Variants in UVRAG observed in about 807,000 individuals in gnomAD.
UVRAG encodes the protein UV radiation resistance-associated gene protein.
In UVRAG, 19 loss-of-function variants were observed where a neutral mutation model predicts 78.0. The ratio of observed to expected loss-of-function variants is 0.24; its 90% CI spans 0.17 to 0.36. UVRAG has a LOEUF of 0.36. Ranked by LOEUF, UVRAG falls within the 10% of genes least tolerant of loss-of-function variation. UVRAG has a pLI of 1.00. For missense variants in UVRAG, 740 were observed against 853.8 expected (o/e 0.87, Z 1.66); for synonymous variants, 323 against 324.6 (o/e 1.00, Z 0.05).
intron 2 of UVRAG, among the ~76,000 whole-genome samples, chr11:75,856,129 A>C (rs548746358): frequency 6.6e-6 from 1 of 152,218 alleles, no homozygotes; most frequent in South Asian, 2.1e-4. Flanking sequence ...AGCTGGGACT[A>C]CAGGCATCCG....
intron 1 of UVRAG, among the ~76,000 whole-genome samples, chr11:75,835,932 A>C (rs1176724658): frequency 6.6e-6 from 1 of 151,874 alleles, no homozygotes; most frequent in Non-Finnish European, 1.5e-5. Flanking sequence ...TCTCTACTTA[A>C]AAAAAATATA....
At chr11:75,965,637 A>G (rs1332539907) in intron 7 of UVRAG, among the ~76,000 whole-genome samples, 1 of 152,028 alleles carries the variant, frequency 6.6e-6, no homozygotes, top group Non-Finnish European at 1.5e-5. Flanking sequence ...CTTTTGTTAG[A>G]GTTATTCTGA....
intron 14 of UVRAG, among the ~76,000 whole-genome samples, chr11:76,121,664 T>C (rs1565169766): frequency 6.6e-6 from 1 of 152,146 alleles, no homozygotes; most frequent in Non-Finnish European, 1.5e-5. Flanking sequence ...CGATTTTGTC[T>C]CTCCACCACT....
chr11:75,949,318 A>G (rs1565394321), intron 6 of UVRAG, among the ~76,000 whole-genome samples: 2 of 151,610 alleles, frequency 1.3e-5, no homozygotes. Flanking sequence ...TTCCCCCCTA[A>G]TTTCTTAAGT....
intron 1 of UVRAG, among the ~76,000 whole-genome samples, chr11:75,842,163 C>G (rs371127158): frequency 6.6e-6 from 1 of 152,120 alleles, no homozygotes; most frequent in Non-Finnish European, 1.5e-5. Flanking sequence ...ATGATTTAGC[C>G]TCAGAAGTCA....
chr11:75,983,703 C>A (rs1949438635), intron 8 of UVRAG, 190 bp downstream of exon 8: 6 of 755,818 alleles, frequency 7.9e-6, no homozygotes, highest in Non-Finnish European at 9.7e-6. Flanking sequence ...TATGTTTACA[C>A]AAGCTCAGAT....
intron 12 of UVRAG, among the ~76,000 whole-genome samples, chr11:76,020,234 G>T (rs892639537): frequency 6.6e-6 from 1 of 152,108 alleles, no homozygotes; most frequent in Non-Finnish European, 1.5e-5. Context: ...AGGGCAGAGG[G>T]TTCCCCTCTG....
chr11:76,065,628 G>T, intron 12 of UVRAG, 82 bp from the exon 13 acceptor site: 2 of 1,282,622 alleles, frequency 1.6e-6, no homozygotes, highest in South Asian at 2.5e-5. Context: ...CTGTATCTAA[G>T]AAACTTCAGC....
At chr11:75,897,765 C>A (rs1162115000) in intron 5 of UVRAG, among the ~76,000 whole-genome samples, 1 of 151,616 alleles carries the variant, frequency 6.6e-6, no homozygotes, top group Non-Finnish European at 1.5e-5. Flanking sequence ...CTCAAGTGAT[C>A]TGCCCACCTC....
At chr11:76,052,961 G>A (rs907554146) in intron 12 of UVRAG, among the ~76,000 whole-genome samples, 1 of 148,686 alleles carries the variant, frequency 6.7e-6, no homozygotes, top group African/African-American at 2.5e-5. Context: ...ATATACTATA[G>A]AGTATATAGG....
At position 76,141,042 on chromosome 11, in the gene UVRAG, G is replaced by A. The variant is rs146466983; in HGVS notation, c.1729G>A (p.Ala577Thr). 28 of 1,614,006 alleles carry A rather than the reference G, an allele frequency of 1.7e-5. No individual in the cohort carries two copies. In the East Asian group the frequency reaches 2.5e-4, roughly 14 times the overall value. The change falls in exon 15 of 15, where the codon GCG becomes ACG. Residue 577 changes from alanine (A) to threonine (T), a missense_variant. Physicochemically the swap from Ala to Thr is moderately conservative, Grantham distance 58 (BLOSUM62 0). Coordinates refer to ENST00000356136, the MANE Select transcript of UVRAG (RefSeq NM_003369.4). ...DLVGSLNGGH[A>T]NVHPSQEQGE... ...AGTTGGCAGCTTAAACGGAGGCCAC[G>A]CGAATGTGCACCCTAGCCAAGAACA...
chr11:75,862,320 A>G (rs1486286523), intron 3 of UVRAG, among the ~76,000 whole-genome samples: 2 of 152,182 alleles, frequency 1.3e-5, no homozygotes, highest in Non-Finnish European at 2.9e-5. Flanking sequence ...GTTTCTTGGC[A>G]GTGGCATTGC....
At chr11:75,828,458 A>G (rs1945566233) in intron 1 of UVRAG, among the ~76,000 whole-genome samples, 2 of 150,556 alleles carry the variant, frequency 1.3e-5, no homozygotes, top group East Asian at 3.9e-4. Context: ...AAAAAAAAAA[A>G]AAAAGACACC....
intron 5 of UVRAG, among the ~76,000 whole-genome samples, chr11:75,902,519 G>T (rs1389700588): frequency 6.6e-6 from 1 of 152,138 alleles, no homozygotes; most frequent in Admixed American, 6.5e-5. Context: ...TGTCTTAGTG[G>T]TTTCTGACAT....
At chr11:75,878,900 A>AGGGACGGGGAGG (rs1555079764) in intron 3 of UVRAG, among the ~76,000 whole-genome samples, 6 of 81,416 alleles carry the variant, frequency 7.4e-5, no homozygotes, top group South Asian at 4.1e-4. Flanking sequence ...GGACAGGGAC[A>AGGGACGGGGAGG]GGGAGGGGGA....
At chr11:75,849,208 A>AAATGAAT (rs1946100322) in intron 1 of UVRAG, among the ~76,000 whole-genome samples, 1 of 149,782 alleles carries the variant, frequency 6.7e-6, no homozygotes, top group Admixed American at 6.6e-5. Context: ...TGAGATAAAG[A>AAATGAAT]AATGAATAAT....
intron 12 of UVRAG, among the ~76,000 whole-genome samples, chr11:76,027,113 A>G (rs907963527): frequency 6.6e-6 from 1 of 152,158 alleles, no homozygotes; most frequent in Non-Finnish European, 1.5e-5. Flanking sequence ...CAAGTTAACT[A>G]AGCATTCATT....
At chr11:75,908,045 A>C (rs1363070057) in intron 5 of UVRAG, among the ~76,000 whole-genome samples, 1 of 152,090 alleles carries the variant, frequency 6.6e-6, no homozygotes. Flanking sequence ...CACCTTACAA[A>C]ACTGAAACTC....
intron 13 of UVRAG, among the ~76,000 whole-genome samples, chr11:76,113,474 AAAG>A (rs1952119953): frequency 1.3e-5 from 2 of 152,196 alleles, no homozygotes; most frequent in African/African-American, 4.8e-5. Flanking sequence ...AATATGAGGT[AAAG>A]AAGAAACAGC....
Sources: gnomAD v4.1 joint callset for allele counts (sites outside exome capture counted in the v4.1 genomes callset) on GRCh38, gnomAD v4.1.1 for gene constraint, MANE v1.5 for transcripts, NCBI Gene and HGNC (gene_info 2026-07-23, HGNC 2026-07-21) for gene names.